FAM171B: variants seen among roughly 807,000 people sequenced by gnomAD.
FAM171B encodes family with sequence similarity 171 member B.
A neutral mutation model predicts 75.6 loss-of-function variants in FAM171B; 19 were observed. The observed-to-expected ratio is 0.25, with a 90% confidence interval of 0.18 to 0.37. The LOEUF is 0.37. FAM171B is among the 10% of genes least tolerant of loss of function. The probability of loss-of-function intolerance (pLI) is 1.00; values close to 1 mark genes in which losing one functional copy is unlikely to be tolerated. For missense variants in FAM171B, 848 were observed against 982.4 expected (o/e 0.86, Z 1.83); for synonymous variants, 367 against 361.7 (o/e 1.01, Z -0.17).
chr2:186,740,283 G>C lies in FAM171B; in HGVS notation c.294G>C (p.Leu98=). The C allele has an allele frequency of 1.2e-6, 2 of 1,614,026 alleles. No individual in the cohort carries two copies. Among genetic ancestry groups the C allele is most frequent in the Non-Finnish European group, 1.7e-6 (2 of 1,179,942 alleles). ...ATGACATCATCAGTCGTCAGTACCT[G>C]AGCCAAGCAGTTGTAGAAGTGTTTG... is the stretch of plus-strand genomic sequence containing the variant. ...QVNDIISRQY[L]SQAVVEVFVN... is the part of the protein sequence containing the mutation. The change falls in exon 2 of 8, where the codon CTG becomes CTC. Residue 98 remains leucine (L), a synonymous_variant. Coordinates refer to ENST00000304698, the MANE Select transcript of FAM171B (RefSeq NM_177454.4).
At chr2:186,719,259 C>A (rs563692202) in intron 1 of FAM171B, among the ~76,000 whole-genome samples, 1 of 152,294 alleles carries the variant, frequency 6.6e-6, no homozygotes, top group Admixed American at 6.5e-5. Context: ...AAAAGACATG[C>A]CGAAGCTTGT....
intron 4 of FAM171B, among the ~76,000 whole-genome samples, chr2:186,748,033 C>G (rs993876691): frequency 6.6e-6 from 1 of 152,054 alleles, no homozygotes; most frequent in Non-Finnish European, 1.5e-5. Flanking sequence ...AGTGATCTTC[C>G]TACCTAAGCC....
chr2:186,745,554 G>A (rs548228856), intron 3 of FAM171B, among the ~76,000 whole-genome samples: 12 of 152,152 alleles, frequency 7.9e-5, no homozygotes, highest in Non-Finnish European at 1.5e-4. Context: ...CATTTGTAAG[G>A]CCAGGCAGGA....
In FAM171B at chr2:186,751,184, T is replaced by C. The variant is rs747149305; in HGVS notation, c.775T>C (p.Tyr259His). The stretch of plus-strand genomic sequence containing the variant: ...TCTTGCTGCAATATGTGTGAAAATA[T>C]ATTCTGGAGGAAAAGAACTAAAGGT... ...TPLAAICVKI[Y>H]SGGKELKVNG... The change falls in exon 5 of 8, where the codon TAT becomes CAT. Residue 259 changes from tyrosine to histidine, a missense_variant. Tyr to His is a moderately conservative substitution (Grantham distance 83). Coordinates refer to ENST00000304698, the MANE Select transcript of FAM171B (RefSeq NM_177454.4). 4 of 1,611,008 alleles carry C rather than the reference T, an allele frequency of 2.5e-6. No individual in the cohort carries two copies. The highest frequency in any genetic ancestry group is 3.4e-6 in the Non-Finnish European group (4 of 1,178,124).
In FAM171B at chr2:186,761,129, A is replaced by T; in HGVS notation, c.1029A>T (p.Glu343Asp). 6.2e-7 allele frequency: 1 copy of T among 1,609,532 alleles called. No individual in the cohort carries two copies. Among genetic ancestry groups the T allele is most frequent in the Non-Finnish European group, 8.5e-7 (1 of 1,177,978 alleles). ...LPGTRGSGIN[E>D]DSKDITAYHT... ...ACCATGTAGGTTCAGGTATAAATGA[A>T]GATTCCAAGGACATAACTGCCTACC... The change falls in exon 7 of 8, where the codon GAA becomes GAT. Residue 343 changes from glutamate (E) to aspartate (D), a missense_variant. Around this residue, in one of 3 missense-constraint regions of FAM171B, gnomAD observed 665 missense variants for 729.0 expected, o/e 0.91. Coordinates refer to ENST00000304698, the MANE Select transcript of FAM171B (RefSeq NM_177454.4).
intron 2 of FAM171B, among the ~76,000 whole-genome samples, chr2:186,742,560 C>A (rs926692324): frequency 6.6e-6 from 1 of 151,840 alleles, no homozygotes; most frequent in African/African-American, 2.4e-5. Context: ...TCTTTAAATT[C>A]TTTGAAATAT....
At chr2:186,729,679 T>C (rs1376843022) in intron 1 of FAM171B, among the ~76,000 whole-genome samples, 2 of 152,198 alleles carry the variant, frequency 1.3e-5, no homozygotes, top group Non-Finnish European at 2.9e-5. Flanking sequence ...TTGTTTTGTT[T>C]TGTTTTTTAA....
intron 4 of FAM171B, among the ~76,000 whole-genome samples, chr2:186,749,127 C>T (rs1690414280): frequency 6.6e-6 from 1 of 152,154 alleles, no homozygotes; most frequent in African/African-American, 2.4e-5. Context: ...TGAAACATGA[C>T]CAGTGCACTG....
Position 186,762,245 on chromosome 2 carries a change from G to C in FAM171B, c.1903G>C (p.Gly635Arg). The C allele has an allele frequency of 1.9e-6, 3 of 1,613,654 alleles. No individual in the cohort carries two copies. Among genetic ancestry groups the C allele is most frequent in the Non-Finnish European group, 2.5e-6 (3 of 1,179,768 alleles). The change falls in exon 8 of 8, where the codon GGA becomes CGA. Residue 635 changes from glycine (G) to arginine (R), a missense_variant. By Grantham distance (125) the Gly-to-Arg change is moderately radical (BLOSUM62 -2). This residue lies in a region of FAM171B where 47 missense variants were observed against 94.0 expected (regional missense o/e 0.50). Transcript: ENST00000304698. The surrounding 1 kb of genome is among the most constrained non-coding windows in gnomAD (Gnocchi z 4.0). ...SSLLESVSVP[G>R]TLNEAVVMTP... ...CTTACTGGAATCCGTCTCTGTTCCTGGAACACTAAATGAGGCTGTTGTAAT... is the reference window on the plus strand; with the variant it reads ...CTTACTGGAATCCGTCTCTGTTCCTCGAACACTAAATGAGGCTGTTGTAAT...
intron 1 of FAM171B, among the ~76,000 whole-genome samples, chr2:186,735,843 G>A (rs1390360205): frequency 6.6e-6 from 1 of 152,130 alleles, no homozygotes; most frequent in Non-Finnish European, 1.5e-5. Flanking sequence ...ATGATACGAT[G>A]GAAAAATAGT....
At chr2:186,708,525 G>A (rs1188957192) in intron 1 of FAM171B, among the ~76,000 whole-genome samples, 2 of 152,194 alleles carry the variant, frequency 1.3e-5, no homozygotes, top group South Asian at 2.1e-4. Context: ...TATTTGAGGT[G>A]TGTATAGCTA....
chr2:186,732,772 TGCTCAC>T (rs920132578), intron 1 of FAM171B, among the ~76,000 whole-genome samples: 1 of 152,230 alleles, frequency 6.6e-6, no homozygotes, highest in African/African-American at 2.4e-5. Flanking sequence ...GTTGTACACA[TGCTCAC>T]TTGAGGCATT....
chr2:186,731,602 C>T (rs1000379445), intron 1 of FAM171B, among the ~76,000 whole-genome samples: 3 of 152,176 alleles, frequency 2.0e-5, no homozygotes, highest in African/African-American at 7.2e-5. Flanking sequence ...TTTATACTAT[C>T]CAACTACTTA....
chr2:186,756,398 T>A (rs754397710), intron 6 of FAM171B, among the ~76,000 whole-genome samples: 9 of 152,200 alleles, frequency 5.9e-5, no homozygotes, highest in Non-Finnish European at 1.0e-4. Flanking sequence ...AACATTAGTT[T>A]TCTTGTTTTT....
In FAM171B at chr2:186,710,389, A is replaced by T. The variant is rs559416365; in HGVS notation, c.238+15978A>T. On this transcript the variant is annotated intron_variant, in intron 1 of 7. Coordinates refer to ENST00000304698, the MANE Select transcript of FAM171B (RefSeq NM_177454.4). The stretch of plus-strand genomic sequence containing the variant: ...AATGTATAAATCTGTTTAACGAAAG[A>T]TACTGTCTTAACCCAACAGATTTGC... 1.1e-4 allele frequency among the ~76,000 whole-genome samples: 17 copies of T among 152,342 alleles called. No individual in the cohort carries two copies. In the South Asian group the frequency reaches 2.1e-3, roughly 19 times the overall value.
Position 186,740,407 on chromosome 2 carries a change from T to C in FAM171B, c.418T>C (p.Tyr140His). ...AGGACTTAGTTTAACTATTATTGCT[T>C]ACAAAGATGGCTACGTGTTGACCCC... ...KLGLSLTIIA[Y>H]KDGYVLTPLP... Residue 140 changes from tyrosine (Y) to histidine (H), a missense_variant, in exon 2 of 8, where the codon TAC (tyrosine) becomes CAC (histidine). Around this residue, in one of 3 missense-constraint regions of FAM171B, gnomAD observed 665 missense variants for 729.0 expected, o/e 0.91. Transcript: ENST00000304698. 1.9e-6 allele frequency: 3 copies of C among 1,614,018 alleles called. No homozygotes were observed. The highest frequency in any genetic ancestry group is 2.5e-6 in the Non-Finnish European group (3 of 1,179,918).
At chr2:186,760,266 G>C (rs1318294307) in intron 6 of FAM171B, among the ~76,000 whole-genome samples, 2 of 152,030 alleles carry the variant, frequency 1.3e-5, no homozygotes, top group East Asian at 1.9e-4. Context: ...GAGGATAGTT[G>C]GTCAGTTGTG....
chr2:186,739,176 A>G (rs998662470), intron 1 of FAM171B, among the ~76,000 whole-genome samples: 2 of 152,214 alleles, frequency 1.3e-5, no homozygotes, highest in African/African-American at 4.8e-5. Flanking sequence ...GGCACTTACC[A>G]TGCATACAGC....
intron 1 of FAM171B, among the ~76,000 whole-genome samples, chr2:186,718,136 C>T (rs1689899495): frequency 6.6e-6 from 1 of 152,158 alleles, no homozygotes; most frequent in African/African-American, 2.4e-5. Flanking sequence ...ATTGCCTCTG[C>T]TCTAATTTTG....
Sources: allele counts gnomAD v4.1 joint callset (sites outside exome capture counted in the v4.1 genomes callset), GRCh38; gene constraint gnomAD v4.1.1; regional missense constraint gnomAD v4.1.1; non-coding constraint Gnocchi (gnomAD v3.1); transcripts MANE v1.5; gene names NCBI Gene and HGNC (gene_info 2026-07-23, HGNC 2026-07-21).